Variants in CYB5R4 observed in about 807,000 individuals in gnomAD.
CYB5R4 encodes N-terminal cytochrome b5 and cytochrome b5 oxidoreductase domain-containing protein.
Under a neutral mutation model 70.2 loss-of-function variants are expected in CYB5R4, and 55 were observed. The ratio of observed to expected loss-of-function variants is 0.78; its 90% confidence interval spans 0.63 to 0.98. The LOEUF (loss-of-function observed/expected upper bound fraction) is 0.98. Ranked by LOEUF, CYB5R4 falls within the 50% of genes least tolerant of loss-of-function variation. The probability of loss-of-function intolerance (pLI) is 0.00; values close to 1 mark genes in which losing one functional copy is unlikely to be tolerated. For synonymous variants in CYB5R4, 197 were observed against 199.5 expected (o/e 0.99, Z 0.11); for missense variants, 562 against 612.6 (o/e 0.92, Z 0.87).
chr6:83,868,661 A>AT (rs1264393503), intron 2 of CYB5R4, among the ~76,000 whole-genome samples: 2 of 152,126 alleles, frequency 1.3e-5, no homozygotes, highest in Non-Finnish European at 2.9e-5. Context: ...ATGCTTTTAT[A>AT]TTTTTCTCTC....
intron 4 of CYB5R4, among the ~76,000 whole-genome samples, chr6:83,913,708 T>C (rs1381809328): frequency 6.6e-6 from 1 of 152,224 alleles, no homozygotes; most frequent in African/African-American, 2.4e-5. Context: ...TAAGAAATGA[T>C]GTCTTTCCAT....
chr6:83,893,872 GGTAA>G (rs935217349), intron 3 of CYB5R4, among the ~76,000 whole-genome samples: 21 of 152,106 alleles, frequency 1.4e-4, no homozygotes, highest in African/African-American at 5.1e-4. Context: ...CTCCTTTGTT[GGTAA>G]GTGTTTATTC....
Position 83,963,658 on chromosome 6 carries a change from T to C in CYB5R4, c.*3780T>C, listed in dbSNP as rs1353670543. On this transcript the variant is annotated 3_prime_UTR_variant, in exon 16 of 16. Coordinates refer to ENST00000369681, the MANE Select transcript of CYB5R4 (RefSeq NM_016230.4). ...AAAATTCAAAAATGAGTTTACTTTC[T>C]TTGTTAAAGTTCTCTTTTGATGCAT... is the stretch of plus-strand genomic sequence containing the variant. 6.6e-6 allele frequency: 1 copy of C among 152,204 alleles called. No individual in the cohort carries two copies. The highest frequency in any genetic ancestry group is 1.5e-5 in the Non-Finnish European group (1 of 68,038). The allele number at this position is 152,204 out of a possible 1,614,324, so 9.4% of individuals were successfully genotyped here.
chr6:83,871,733 A>G lies in CYB5R4; in HGVS notation c.229+7405A>G, dbSNP rs542882086. 6.6e-5 allele frequency among the ~76,000 whole-genome samples: 10 copies of G among 152,210 alleles called. No homozygotes were observed. The South Asian group carries it at 1.5e-3, about 22-fold the overall frequency. ...TCAGTTTTAGTTGTGTTTTTCAATG[A>G]ATTCATTAATTTTATCTCATTTAAT... On this transcript the variant is annotated intron_variant, in intron 2 of 15. Coordinates refer to ENST00000369681, the MANE Select transcript of CYB5R4 (RefSeq NM_016230.4).
intron 3 of CYB5R4, among the ~76,000 whole-genome samples, 162 bp downstream of exon 3, chr6:83,893,784 A>C (rs1406097654): frequency 2.6e-5 from 4 of 152,204 alleles, no homozygotes; most frequent in African/African-American, 9.7e-5. Flanking sequence ...CTGTTCATTT[A>C]ATTTGCCCTT....
rs553191322 is a variant in CYB5R4, at chr6:83,887,469, T to C, written c.230-6053T>C. On this transcript the variant is annotated intron_variant, in intron 2 of 15. Transcript: ENST00000369681. Reference sequence around the variant, plus strand: ...AGAGGTAATTTAGTATGAAAAGATATTAAGAACAGGTACTACCAGTACATT... The same window carrying C: ...AGAGGTAATTTAGTATGAAAAGATACTAAGAACAGGTACTACCAGTACATT... 8.5e-5 allele frequency among the ~76,000 whole-genome samples: 13 copies of C among 152,258 alleles called. No individual in the cohort carries two copies. In the East Asian group the frequency reaches 2.1e-3, roughly 25 times the overall value.
At chr6:83,931,199 C>G (rs910889620) in intron 10 of CYB5R4, among the ~76,000 whole-genome samples, 1 of 152,198 alleles carries the variant, frequency 6.6e-6, no homozygotes, top group Non-Finnish European at 1.5e-5. Context: ...TGTTCTCAAA[C>G]TTTTAAAACA....
chr6:83,898,183 G>T (rs890778587), intron 3 of CYB5R4, among the ~76,000 whole-genome samples: 12 of 152,062 alleles, frequency 7.9e-5, no homozygotes, highest in Non-Finnish European at 1.8e-4. Context: ...TCTACATATG[G>T]CTAGCCAGTT....
intron 3 of CYB5R4, among the ~76,000 whole-genome samples, chr6:83,906,108 G>A (rs977586859): frequency 6.6e-6 from 1 of 152,148 alleles, no homozygotes; most frequent in Non-Finnish European, 1.5e-5. Context: ...TCAGGTGGAG[G>A]GAGACAGCAG....
At chr6:83,950,937 A>G (rs1036367459) in intron 14 of CYB5R4, among the ~76,000 whole-genome samples, 4 of 152,190 alleles carry the variant, frequency 2.6e-5, no homozygotes, top group African/African-American at 9.6e-5. Context: ...TATTTTCAAC[A>G]GGTGGTTTTC....
intron 3 of CYB5R4, 140 bp from the exon 4 acceptor site, chr6:83,908,869 G>A (rs2099464243): frequency 1.6e-6 from 1 of 640,508 alleles, no homozygotes; most frequent in Non-Finnish European, 2.8e-6. Context: ...TCACACCCTG[G>A]TAGACTAATT....
intron 10 of CYB5R4, among the ~76,000 whole-genome samples, chr6:83,932,814 T>C (rs765484452): frequency 1.3e-5 from 2 of 152,132 alleles, no homozygotes; most frequent in Non-Finnish European, 2.9e-5. Context: ...ACCCTACTCA[T>C]TGTCAGACAG....
Position 83,934,664 on chromosome 6 carries a change from T to C in CYB5R4, c.884T>C (p.Leu295Ser). Residue 295 changes from leucine (L) to serine (S), a missense_variant, in exon 11 of 16, where the codon TTG becomes TCG. Physicochemically the swap from Leu to Ser is moderately radical, Grantham distance 145 (BLOSUM62 -2). Coordinates refer to ENST00000369681, the MANE Select transcript of CYB5R4 (RefSeq NM_016230.4). ...ACTCATGATACGAGGCTTTTCTGTT[T>C]GATGCTGCCACCAAGCACTCATCTT... The part of the protein sequence containing the change: ...DVTHDTRLFC[L>S]MLPPSTHLQV... 6.2e-7 allele frequency: 1 copy of C among 1,613,846 alleles called. No individual in the cohort carries two copies. Among genetic ancestry groups the C allele is most frequent in the Non-Finnish European group, 8.5e-7 (1 of 1,179,766 alleles).
At chr6:83,874,236 A>G (rs2099458157) in intron 2 of CYB5R4, among the ~76,000 whole-genome samples, 1 of 143,856 alleles carries the variant, frequency 7.0e-6, no homozygotes, top group African/African-American at 2.6e-5. Flanking sequence ...TGTCACCCAG[A>G]CTAAAGTGCA....
At chr6:83,869,218 CTGTTA>C (rs1278497799) in intron 2 of CYB5R4, among the ~76,000 whole-genome samples, 1 of 152,080 alleles carries the variant, frequency 6.6e-6, no homozygotes, top group African/African-American at 2.4e-5. Flanking sequence ...GTATTTAGTC[CTGTTA>C]TATTTCCATT....
chr6:83,951,044 T>G (rs1286533667), intron 14 of CYB5R4, among the ~76,000 whole-genome samples: 2 of 151,902 alleles, frequency 1.3e-5, no homozygotes, highest in South Asian at 4.1e-4. Flanking sequence ...TGCTACAAAA[T>G]ATCTTACAAT....
intron 5 of CYB5R4, among the ~76,000 whole-genome samples, chr6:83,916,558 T>C (rs1191481506): frequency 1.3e-4 from 20 of 152,224 alleles, no homozygotes; most frequent in Admixed American, 1.2e-3. Context: ...TAGAGCACTC[T>C]TCTTTTAGTG....
chr6:83,900,636 T>G (rs2099462762), intron 3 of CYB5R4, among the ~76,000 whole-genome samples: 1 of 152,214 alleles, frequency 6.6e-6, no homozygotes, highest in African/African-American at 2.4e-5. Flanking sequence ...ACTTGTTTTA[T>G]GAATCTGGGT....
chr6:83,882,696 A>G (rs1392801757), intron 2 of CYB5R4, among the ~76,000 whole-genome samples: 1 of 152,220 alleles, frequency 6.6e-6, no homozygotes, highest in Non-Finnish European at 1.5e-5. Context: ...GTAAAAGAAT[A>G]TATGATACAG....
Sources: gnomAD v4.1 joint callset for allele counts (sites outside exome capture counted in the v4.1 genomes callset) on GRCh38, gnomAD v4.1.1 for gene constraint, MANE v1.5 for transcripts, NCBI Gene and HGNC (gene_info 2026-07-23, HGNC 2026-07-21) for gene names.